Variants in ASCC3 observed in about 807,000 individuals in gnomAD.
ASCC3 encodes the protein activating signal cointegrator 1 complex subunit 3, also known as ASC-1 complex subunit P200.
ASCC3 carries 158 observed loss-of-function variants against 256.3 expected under a neutral mutation model. The ratio of observed to expected loss-of-function variants is 0.62; its 90% CI spans 0.54 to 0.70. The LOEUF is 0.70. Among genes scored for constraint, ASCC3 ranks in the 30% least tolerant of loss-of-function variants. The pLI is 0.00. For missense variants in ASCC3, 2,259 were observed against 2,626.0 expected (o/e 0.86, Z 3.05); for synonymous variants, 948 against 883.4 (o/e 1.07, Z -1.30).
rs17061190 is a variant in ASCC3, at chr6:100,851,216, A to G, written c.242-2509T>C. 0.012 allele frequency among the ~76,000 whole-genome samples: 1,892 copies of G among 152,242 alleles called. 94 individuals carry two copies. The East Asian group carries it at 0.14, about 12-fold the overall frequency. On this transcript the variant is annotated intron_variant, in intron 3 of 41. Coordinates refer to ENST00000369162, the MANE Select transcript of ASCC3 (RefSeq NM_006828.4). ...AACTCCTAAACAAGTTATTTCCCCT[A>G]TGTCACACTGATTCCCTGTAAATTC...
chr6:100,655,735 A>G lies in ASCC3; in HGVS notation c.2787T>C (p.Asn929=), dbSNP rs138495943. The G allele has an allele frequency of 6.2e-7, 1 of 1,611,532 alleles. No homozygotes were observed. The highest frequency in any genetic ancestry group is 8.5e-7 in the Non-Finnish European group (1 of 1,178,964). ...YTYLYVRMRA[N]PLAYGISHKA... ...TGTGACTGATGCCATATGCTAATGGATTTGCTCTCATCCGTACATAAAGAT... is the reference window on the plus strand; with the variant it reads ...TGTGACTGATGCCATATGCTAATGGGTTTGCTCTCATCCGTACATAAAGAT... Residue 929 remains asparagine (N), a synonymous_variant, in exon 17 of 42, where the codon AAT becomes AAC. Coordinates refer to ENST00000369162, the MANE Select transcript of ASCC3 (RefSeq NM_006828.4).
chr6:100,804,407 A>AT (rs1009760903), intron 5 of ASCC3, among the ~76,000 whole-genome samples: 4 of 152,024 alleles, frequency 2.6e-5, no homozygotes, highest in East Asian at 1.9e-4. Context: ...AAGTATATAT[A>AT]TTTTTTCTTT....
chr6:100,800,433 G>C lies in ASCC3; in HGVS notation c.994C>G (p.Gln332Glu). 6.2e-7 allele frequency: 1 copy of C among 1,611,898 alleles called. No homozygotes were observed. Among genetic ancestry groups the C allele is most frequent in the South Asian group, 1.1e-5 (1 of 91,022 alleles). Residue 332 changes from glutamine to glutamate, a missense_variant, in exon 6 of 42, where the codon CAA becomes GAA. By Grantham distance (29) the Gln-to-Glu change is conservative. This residue lies in a region of ASCC3 where 420 missense variants were observed against 419.3 expected (regional missense o/e 1.00). Coordinates refer to ENST00000369162, the MANE Select transcript of ASCC3 (RefSeq NM_006828.4). ...YGCQVTIQSE[Q>E]EKQLMKQYRR... ...TATTGTTTCATTAACTGCTTTTCTT[G>C]TTCAGACTGAATAGTGACTTGACAA... is the stretch of plus-strand genomic sequence containing the variant.
Position 100,848,569 on chromosome 6 carries a change from G to A in ASCC3, c.380C>T (p.Ala127Val), listed in dbSNP as rs1175636623. ...ATTAGTAGCATTACAAGCTGCAGTG[G>A]CAGATGATGAAGGAAAGGGGCCAAA... Reference protein sequence around the residue: ...QMFGPFPSSSATAACNATNRI... With the variant: ...QMFGPFPSSSVTAACNATNRI... Residue 127 changes from alanine (A) to valine (V), a missense_variant, in exon 4 of 42, where the codon GCC (alanine) becomes GTC (valine). This residue lies in a region of ASCC3 where 420 missense variants were observed against 419.3 expected (regional missense o/e 1.00). Coordinates refer to ENST00000369162, the MANE Select transcript of ASCC3 (RefSeq NM_006828.4). 6.2e-7 allele frequency: 1 copy of A among 1,614,086 alleles called. No homozygotes were observed. The highest frequency in any genetic ancestry group is 1.3e-5 in the African/African-American group (1 of 75,016).
chr6:100,673,823 C>T (rs1043072180), intron 14 of ASCC3, among the ~76,000 whole-genome samples: 23 of 152,194 alleles, frequency 1.5e-4, no homozygotes, highest in African/African-American at 5.5e-4. Context: ...TTAAAGTCTT[C>T]CATTGTCTGA....
At chr6:100,780,419 G>A (rs1318879805) in intron 8 of ASCC3, among the ~76,000 whole-genome samples, 2 of 152,116 alleles carry the variant, frequency 1.3e-5, no homozygotes, top group Non-Finnish European at 2.9e-5. Context: ...AAAAGACCCT[G>A]CCATAATATG....
At chr6:100,625,803 A>C (rs1774201833) in intron 29 of ASCC3, among the ~76,000 whole-genome samples, 1 of 152,146 alleles carries the variant, frequency 6.6e-6, no homozygotes, top group African/African-American at 2.4e-5. Flanking sequence ...AAAGACCACA[A>C]AAAGTTTCTT....
intron 8 of ASCC3, among the ~76,000 whole-genome samples, chr6:100,790,236 AAAGG>A (rs1769289527): frequency 6.6e-6 from 1 of 152,020 alleles, no homozygotes; most frequent in Non-Finnish European, 1.5e-5. Flanking sequence ...AATAGTCTGA[AAAGG>A]AAACTGAAAC....
intron 36 of ASCC3, among the ~76,000 whole-genome samples, chr6:100,557,423 G>T (rs1370169541): frequency 6.6e-6 from 1 of 152,118 alleles, no homozygotes; most frequent in Non-Finnish European, 1.5e-5. Context: ...GATTTGGGAT[G>T]TTGATTTTAG....
intron 36 of ASCC3, among the ~76,000 whole-genome samples, chr6:100,587,268 G>A (rs1389506442): frequency 1.3e-5 from 2 of 150,918 alleles, no homozygotes; most frequent in African/African-American, 2.4e-5. Flanking sequence ...AGGATACTGA[G>A]TTCTTTGAGT....
intron 8 of ASCC3, among the ~76,000 whole-genome samples, chr6:100,787,551 G>C (rs1270156450): frequency 6.6e-6 from 1 of 151,996 alleles, no homozygotes; most frequent in Non-Finnish European, 1.5e-5. Context: ...GAAAATCGAA[G>C]ACATAGAATA....
chr6:100,592,710 AAGCATTTAGC>A (rs1422817716), intron 34 of ASCC3, among the ~76,000 whole-genome samples: 2 of 152,076 alleles, frequency 1.3e-5, no homozygotes, highest in Non-Finnish European at 2.9e-5. Context: ...GAACAATTAT[AAGCATTTAGC>A]TTAAAACATT....
intron 14 of ASCC3, among the ~76,000 whole-genome samples, chr6:100,677,011 TA>T (rs2114959992): frequency 6.6e-6 from 1 of 152,268 alleles, no homozygotes; most frequent in South Asian, 2.1e-4. Flanking sequence ...ATTTACCTTC[TA>T]ATTAAATTTT....
intron 36 of ASCC3, among the ~76,000 whole-genome samples, chr6:100,570,027 T>A (rs910991201): frequency 4.6e-5 from 7 of 152,194 alleles, no homozygotes; most frequent in African/African-American, 1.7e-4. Context: ...CCCAGGTATT[T>A]AATTTTGTTG....
intron 16 of ASCC3, among the ~76,000 whole-genome samples, chr6:100,660,376 T>C (rs1776134337): frequency 6.6e-6 from 1 of 151,704 alleles, no homozygotes; most frequent in South Asian, 2.1e-4. Flanking sequence ...AGGTCCTCAG[T>C]TCACTGCCAC....
chr6:100,551,969 T>C (rs17060725), intron 36 of ASCC3, among the ~76,000 whole-genome samples: 2,102 of 151,878 alleles, frequency 0.014, 49 homozygotes, highest in African/African-American at 0.049. Flanking sequence ...ATTGATACAA[T>C]AGGTGATCTT....
chr6:100,645,303 A>G (rs980210599), intron 22 of ASCC3, among the ~76,000 whole-genome samples: 4 of 151,980 alleles, frequency 2.6e-5, no homozygotes, highest in African/African-American at 9.7e-5. Flanking sequence ...TAGAAATATT[A>G]AATATAATTT....
intron 13 of ASCC3, among the ~76,000 whole-genome samples, chr6:100,687,886 C>A (rs907769845): frequency 4.0e-5 from 6 of 151,778 alleles, no homozygotes; most frequent in Non-Finnish European, 8.8e-5. Flanking sequence ...GCGGTCAATA[C>A]AGACTTTTTG....
At chr6:100,657,438 T>C (rs887609593) in intron 16 of ASCC3, among the ~76,000 whole-genome samples, 2 of 151,452 alleles carry the variant, frequency 1.3e-5, no homozygotes, top group South Asian at 2.1e-4. Flanking sequence ...TTTGGTGATA[T>C]AGCTAAAAAT....
Sources: allele counts gnomAD v4.1 joint callset (sites outside exome capture counted in the v4.1 genomes callset), GRCh38; gene constraint gnomAD v4.1.1; regional missense constraint gnomAD v4.1.1; transcripts MANE v1.5; gene names NCBI Gene and HGNC (gene_info 2026-07-23, HGNC 2026-07-21).